Variants in MELK observed in about 807,000 individuals in gnomAD.
MELK encodes pEg3 kinase.
In MELK, 81 loss-of-function variants were observed where a neutral mutation model predicts 85.0. The ratio of observed to expected loss-of-function variants is 0.95; its 90% confidence interval spans 0.80 to 1.15. The LOEUF is 1.15. MELK is among the 50% of genes most tolerant of loss of function. The pLI, the probability that MELK is intolerant of heterozygous loss-of-function variation, is 0.00. For synonymous variants in MELK, 252 were observed against 265.0 expected (o/e 0.95, Z 0.48); for missense variants, 754 against 777.5 (o/e 0.97, Z 0.36).
Position 36,659,522 on chromosome 9 carries a change from A to G in MELK, c.1176+2159A>G, listed in dbSNP as rs1831586758. Among the ~76,000 whole-genome samples the G allele has an allele frequency of 3.3e-5, 5 of 152,200 alleles. No individual in the cohort carries two copies. In the South Asian group the frequency reaches 8.3e-4, roughly 25 times the overall value. On this transcript the variant is annotated intron_variant, in intron 13 of 17. Coordinates refer to ENST00000298048, the MANE Select transcript of MELK (RefSeq NM_014791.4). Reference sequence around the variant, plus strand: ...TTTAGGTCAGTGTTGGGCTGCATTTATGATGGTGGTCCATGAGATTATAAT... The same window carrying G: ...TTTAGGTCAGTGTTGGGCTGCATTTGTGATGGTGGTCCATGAGATTATAAT...
intron 12 of MELK, among the ~76,000 whole-genome samples, chr9:36,655,453 GGAGA>G (rs66684364): frequency 6.3e-4 from 93 of 147,242 alleles, no homozygotes; most frequent in Middle Eastern, 3.4e-3. Context: ...TCAAGTAGGG[GGAGA>G]GAGAGAGAGA....
chr9:36,661,714 A>G (rs895942975), intron 13 of MELK, among the ~76,000 whole-genome samples: 2 of 152,178 alleles, frequency 1.3e-5, no homozygotes, highest in African/African-American at 4.8e-5. Flanking sequence ...AGGTGGGTGG[A>G]TCATGAGGTC....
intron 13 of MELK, among the ~76,000 whole-genome samples, chr9:36,659,740 A>G (rs1284416029): frequency 6.6e-6 from 1 of 152,232 alleles, no homozygotes; most frequent in Non-Finnish European, 1.5e-5. Context: ...TCCTATTTGT[A>G]TAAAACCTCA....
chr9:36,580,307 C>T (rs1276179505), intron 1 of MELK, among the ~76,000 whole-genome samples: 16 of 151,312 alleles, frequency 1.1e-4, no homozygotes, highest in African/African-American at 3.4e-4. Context: ...GGGTTACAGG[C>T]GTGAGCCACC....
chr9:36,663,476 C>T (rs999080546), intron 13 of MELK, among the ~76,000 whole-genome samples: 3 of 152,202 alleles, frequency 2.0e-5, no homozygotes, highest in African/African-American at 7.2e-5. Flanking sequence ...AAGGTGTCAG[C>T]TGAATAATGT....
At position 36,633,219 on chromosome 9, in the gene MELK, A is replaced by C; in HGVS notation, c.834+19A>C. Reference sequence around the variant, plus strand: ...GAATCCTGTAAGTAAAATGAAATCCAGTAGAATTTTTTTTTGACTTTGTGT... The same window carrying C: ...GAATCCTGTAAGTAAAATGAAATCCCGTAGAATTTTTTTTTGACTTTGTGT... On this transcript the variant is annotated intron_variant, in intron 10 of 17. Coordinates refer to ENST00000298048, the MANE Select transcript of MELK (RefSeq NM_014791.4). 6.4e-7 allele frequency: 1 copy of C among 1,568,000 alleles called. No individual in the cohort carries two copies. Among genetic ancestry groups the C allele is most frequent in the Non-Finnish European group, 8.7e-7 (1 of 1,155,240 alleles).
At chr9:36,614,851 A>C (rs1322937618) in intron 8 of MELK, among the ~76,000 whole-genome samples, 5 of 147,342 alleles carry the variant, frequency 3.4e-5, no homozygotes, top group Non-Finnish European at 7.5e-5. Flanking sequence ...CTACACAGAC[A>C]CAGCAACCAT....
chr9:36,588,636 C>A (rs1327195854), intron 3 of MELK, among the ~76,000 whole-genome samples: 1 of 152,176 alleles, frequency 6.6e-6, no homozygotes, highest in Non-Finnish European at 1.5e-5. Flanking sequence ...ACCTTAGCCT[C>A]CCAAAGTGCT....
At chr9:36,605,320 T>C (rs993063472) in intron 7 of MELK, among the ~76,000 whole-genome samples, 4 of 152,176 alleles carry the variant, frequency 2.6e-5, no homozygotes. Context: ...GCAATTCTCC[T>C]GCCTCAGCCT....
intron 16 of MELK, among the ~76,000 whole-genome samples, chr9:36,672,298 A>G (rs1587639049): frequency 6.6e-6 from 1 of 152,196 alleles, no homozygotes; most frequent in Middle Eastern, 3.2e-3. Context: ...GGTTGGAGAT[A>G]GTTAAGTATT....
At chr9:36,613,892 G>A (rs1301189226) in intron 8 of MELK, among the ~76,000 whole-genome samples, 1 of 152,036 alleles carries the variant, frequency 6.6e-6, no homozygotes, top group Admixed American at 6.6e-5. Flanking sequence ...AAGGACTTTG[G>A]CATTTTTTCT....
Position 36,652,042 on chromosome 9 carries a change from A to ATTTTTT in MELK, c.1053+182_1053+187dup, listed in dbSNP as rs11465173. Reference sequence around the variant, plus strand: ...TGGGAAGTTCTGAAGTTGAACTCTAATTTTTTTTTTTTTTTTTTTTTTGAG... The same window carrying ATTTTTT: ...TGGGAAGTTCTGAAGTTGAACTCTAATTTTTTTTTTTTTTTTTTTTTTTTTTTTGAG... On this transcript the variant is annotated intron_variant, in intron 12 of 17. Coordinates refer to ENST00000298048, the MANE Select transcript of MELK (RefSeq NM_014791.4). Among the ~76,000 whole-genome samples the ATTTTTT allele has an allele frequency of 5.0e-4, 46 of 91,374 alleles. 2 individuals are homozygous for ATTTTTT. The highest frequency in any genetic ancestry group is 7.3e-4 in the East Asian group (2 of 2,750). The allele number at this position is 91,374 out of a possible 152,430, so 59.9% of individuals were successfully genotyped here.
intron 13 of MELK, among the ~76,000 whole-genome samples, chr9:36,662,538 C>G (rs1034979663): frequency 6.6e-6 from 1 of 152,274 alleles, no homozygotes; most frequent in South Asian, 2.1e-4. Flanking sequence ...GCCCCTGCAC[C>G]CTGCTGTGAA....
chr9:36,671,769 C>A (rs1383461474), intron 16 of MELK, among the ~76,000 whole-genome samples: 3 of 152,120 alleles, frequency 2.0e-5, no homozygotes, highest in Non-Finnish European at 2.9e-5. Flanking sequence ...ATATAAAGTA[C>A]TTTTTATTCT....
chr9:36,581,580 A>G, intron 1 of MELK, 64 bp from the exon 2 acceptor site: 1 of 817,938 alleles, frequency 1.2e-6, no homozygotes, highest in Non-Finnish European at 2.0e-6. Context: ...ATTTGCAGTT[A>G]CAAGAATGGA....
At chr9:36,648,813 G>A (rs1041375457) in intron 11 of MELK, among the ~76,000 whole-genome samples, 1 of 152,176 alleles carries the variant, frequency 6.6e-6, no homozygotes, top group Non-Finnish European at 1.5e-5. Context: ...CATACACATA[G>A]AACCTCTCAT....
At chr9:36,639,738 A>G (rs1829575689) in intron 10 of MELK, among the ~76,000 whole-genome samples, 1 of 152,210 alleles carries the variant, frequency 6.6e-6, no homozygotes, top group South Asian at 2.1e-4. Context: ...CCAGTTCAGG[A>G]GCCCAGCAGA....
chr9:36,624,804 T>C (rs756007593), intron 8 of MELK, among the ~76,000 whole-genome samples: 2 of 152,182 alleles, frequency 1.3e-5, no homozygotes, highest in Non-Finnish European at 2.9e-5. Context: ...CCTATTATGA[T>C]AGTTTCAGAA....
intron 3 of MELK, 105 bp from the exon 4 acceptor site, chr9:36,589,431 G>C: frequency 1.2e-6 from 1 of 866,730 alleles, no homozygotes; most frequent in Non-Finnish European, 1.9e-6. Flanking sequence ...ACAGGTGTGA[G>C]CCACCGTGCC....
Sources: gnomAD v4.1 joint callset for allele counts (sites outside exome capture counted in the v4.1 genomes callset) on GRCh38, gnomAD v4.1.1 for gene constraint, MANE v1.5 for transcripts, NCBI Gene and HGNC (gene_info 2026-07-23, HGNC 2026-07-21) for gene names.